KRABD5: variants seen among roughly 807,000 people sequenced by gnomAD.
KRABD5 encodes the protein KRAB domain containing 5, also known as KRAB domain-containing protein 5.
chr16:31,739,948 A>AGCCCATCCCTTTATTTTG, the KRABD5 span, among the ~76,000 whole-genome samples: 1 of 152,012 alleles, frequency 6.6e-6, no homozygotes, highest in African/African-American at 2.4e-5. Context: ...AACTAGCCAG[A>AGCCCATCCCTTTATTTTG]GCCCATCCCT....
the KRABD5 span, among the ~76,000 whole-genome samples, chr16:31,748,604 C>T: frequency 2.3e-3 from 355 of 152,258 alleles, 2 homozygotes; most frequent in Non-Finnish European, 4.4e-3. Context: ...TCAATTCTTC[C>T]GTCTCATCTT....
chr16:31,744,927 A>G, the KRABD5 span, among the ~76,000 whole-genome samples: 1 of 152,086 alleles, frequency 6.6e-6, no homozygotes, highest in Non-Finnish European at 1.5e-5. Flanking sequence ...TATTTATGGT[A>G]TTCTCTGGTG....
At chr16:31,716,012 C>A in the KRABD5 span, among the ~76,000 whole-genome samples, 1 of 152,328 alleles carries the variant, frequency 6.6e-6, no homozygotes, top group Middle Eastern at 3.4e-3. Flanking sequence ...ATAATTCCCA[C>A]CCACTCTGAA....
the KRABD5 span, among the ~76,000 whole-genome samples, chr16:31,727,094 G>A: frequency 6.6e-6 from 1 of 152,126 alleles, no homozygotes; most frequent in African/African-American, 2.4e-5. Context: ...TTAATTGTTA[G>A]TATATAGAAA....
the KRABD5 span, chr16:31,753,897 G>A: frequency 6.4e-7 from 1 of 1,551,252 alleles, no homozygotes; most frequent in Non-Finnish European, 8.7e-7. Flanking sequence ...GTGGGAAAGT[G>A]AGGGTAAGTG....
chr16:31,745,845 T>C, the KRABD5 span, among the ~76,000 whole-genome samples: 1 of 152,250 alleles, frequency 6.6e-6, no homozygotes, highest in African/African-American at 2.4e-5. Context: ...GCTCTTCTTG[T>C]TGAGTTGTTC....
At chr16:31,725,307 G>A in the KRABD5 span, among the ~76,000 whole-genome samples, 1 of 152,070 alleles carries the variant, frequency 6.6e-6, no homozygotes, top group Non-Finnish European at 1.5e-5. Flanking sequence ...TAGTAGAGAC[G>A]GGGTTTCGCC....
At chr16:31,723,943 A>G in the KRABD5 span, among the ~76,000 whole-genome samples, 1 of 152,210 alleles carries the variant, frequency 6.6e-6, no homozygotes, top group Non-Finnish European at 1.5e-5. Context: ...TCAACTTTTC[A>G]TCTTTCCTAG....
the KRABD5 span, among the ~76,000 whole-genome samples, chr16:31,716,255 GGA>G: frequency 3.5e-4 from 53 of 152,284 alleles, no homozygotes; most frequent in Non-Finnish European, 6.6e-4. Flanking sequence ...CTGCCTGCAT[GGA>G]CACAGGAGTA....
chr16:31,759,367 C>G, the KRABD5 span: 1 of 1,482,334 alleles, frequency 6.7e-7, no homozygotes, highest in Non-Finnish European at 9.0e-7. Context: ...GCAAAATAAT[C>G]CTATGGTGAA....
chr16:31,733,060 C>T, the KRABD5 span, among the ~76,000 whole-genome samples: 2 of 151,656 alleles, frequency 1.3e-5, no homozygotes, highest in African/African-American at 4.8e-5. Flanking sequence ...GCTTTTCAAC[C>T]TTGATATTAT....
the KRABD5 span, chr16:31,759,225 G>A: frequency 3.8e-5 from 38 of 989,072 alleles, no homozygotes; most frequent in Non-Finnish European, 5.4e-5. Flanking sequence ...TAATTGTATA[G>A]CTTTTAGAAC....
At chr16:31,745,771 C>CT in the KRABD5 span, among the ~76,000 whole-genome samples, 26 of 152,282 alleles carry the variant, frequency 1.7e-4, no homozygotes, top group African/African-American at 6.0e-4. Context: ...CTGTAAGTCT[C>CT]TAAGAACTTG....
the KRABD5 span, among the ~76,000 whole-genome samples, chr16:31,747,567 C>T: frequency 7.9e-5 from 12 of 152,066 alleles, no homozygotes; most frequent in Admixed American, 3.9e-4. Flanking sequence ...ATCGCCACAC[C>T]GACTTCCACA....
the KRABD5 span, among the ~76,000 whole-genome samples, chr16:31,751,189 G>T: frequency 6.6e-6 from 1 of 152,160 alleles, no homozygotes; most frequent in Non-Finnish European, 1.5e-5. Flanking sequence ...GATTTGGCTT[G>T]CTACTATTTT....
chr16:31,755,446 T>C, the KRABD5 span: 1 of 473,806 alleles, frequency 2.1e-6, no homozygotes, highest in South Asian at 1.5e-5. Flanking sequence ...ATCAGAGAAT[T>C]CATACTGGAG....
the KRABD5 span, among the ~76,000 whole-genome samples, chr16:31,739,489 C>A: frequency 6.6e-6 from 1 of 151,140 alleles, no homozygotes; most frequent in Non-Finnish European, 1.5e-5. Context: ...TCTCTTTGTT[C>A]GTAACTTTTG....
chr16:31,750,881 G>A, the KRABD5 span, among the ~76,000 whole-genome samples: 475 of 152,032 alleles, frequency 3.1e-3, 6 homozygotes, highest in African/African-American at 0.011. Flanking sequence ...TGCCTCAGTC[G>A]CCAGAGTACC....
chr16:31,716,743 C>T, the KRABD5 span, among the ~76,000 whole-genome samples: 583 of 152,230 alleles, frequency 3.8e-3, 1 homozygote, highest in Non-Finnish European at 6.2e-3. Context: ...CTGAATCTAG[C>T]GCCTGCTGGA....
Sources: allele counts gnomAD v4.1 joint callset (sites outside exome capture counted in the v4.1 genomes callset), GRCh38; gene constraint gnomAD v4.1.1; transcripts MANE v1.5; gene names NCBI Gene and HGNC (gene_info 2026-07-23, HGNC 2026-07-21).